Variants in HIRA observed in about 807,000 individuals in gnomAD.
HIRA encodes the protein protein HIRA.
In HIRA, 13 loss-of-function variants were observed where a neutral mutation model predicts 126.6. The observed-to-expected ratio is 0.10, with a 90% CI of 0.07 to 0.16. The LOEUF (loss-of-function observed/expected upper bound fraction) is 0.16, where lower values mean the gene tolerates loss of function less well. Among genes scored for constraint, HIRA ranks in the 10% least tolerant of loss-of-function variants. The probability of loss-of-function intolerance (pLI) is 1.00; values close to 1 mark genes in which losing one functional copy is unlikely to be tolerated. For synonymous variants in HIRA, 511 were observed against 520.0 expected (o/e 0.98, Z 0.24); for missense variants, 834 against 1,314.4 (o/e 0.63, Z 5.65).
chr22:19,383,773 A>G, intron 12 of HIRA, 68 bp from the exon 13 acceptor site: 1 of 1,261,402 alleles, frequency 7.9e-7, no homozygotes, highest in South Asian at 1.2e-5. Flanking sequence ...ATTAAAAAAT[A>G]AAGTCTCTTT....
At position 19,411,963 on chromosome 22, in the gene HIRA, G is replaced by A. The variant is rs532695498; in HGVS notation, c.38-1185C>T. Among the ~76,000 whole-genome samples the A allele has an allele frequency of 7.2e-5, 11 of 152,324 alleles. No individual in the cohort carries two copies. In the East Asian group the frequency reaches 1.7e-3, roughly 24 times the overall value. On this transcript the variant is annotated intron_variant, in intron 1 of 24. Transcript: ENST00000263208. ...AGGCAGCACCCAGCTGTGGAGAGCC[G>A]CAGCCATGTAGTCAAATCAAGCATG...
chr22:19,428,530 T>C (rs5748203), intron 1 of HIRA, among the ~76,000 whole-genome samples: 23,202 of 152,170 alleles, frequency 0.15, 3,876 homozygotes, highest in African/African-American at 0.42. Flanking sequence ...TACACCCACA[T>C]TTCAATAAAT....
chr22:19,413,643 G>A lies in HIRA; in HGVS notation c.38-2865C>T, dbSNP rs185544004. ...TTTATTTATTTATAGACAGAGTTTC[G>A]CTCTGTCGCCCAGGCTAGAGTGCAG... On this transcript the variant is annotated intron_variant, in intron 1 of 24. Transcript: ENST00000263208. 9.3e-3 allele frequency among the ~76,000 whole-genome samples: 1,338 copies of A among 144,590 alleles called. 19 individuals carry two copies. Among genetic ancestry groups the A allele is most frequent in the Non-Finnish European group, 0.012 (748 of 64,982 alleles). The allele number at this position is 144,590 out of a possible 152,430, so 94.9% of individuals were successfully genotyped here.
At chr22:19,373,602 T>C (rs2088988053) in intron 15 of HIRA, among the ~76,000 whole-genome samples, 1 of 152,206 alleles carries the variant, frequency 6.6e-6, no homozygotes, top group Non-Finnish European at 1.5e-5. Context: ...GCGATTTCTA[T>C]ACAACACAAG....
chr22:19,410,584 CTG>C (rs1469130337), intron 2 of HIRA, 130 bp downstream of exon 2: 5 of 703,294 alleles, frequency 7.1e-6, no homozygotes, highest in Non-Finnish European at 1.0e-5. Flanking sequence ...CACATTATAA[CTG>C]TACATTTTAA....
chr22:19,377,848 C>T, intron 14 of HIRA, 21 bp downstream of exon 14: 1 of 1,569,884 alleles, frequency 6.4e-7, no homozygotes, highest in South Asian at 1.2e-5. Flanking sequence ...GGGACAGGAA[C>T]AAGCCTTGGC....
chr22:19,410,160 T>C (rs1200316494), intron 2 of HIRA, among the ~76,000 whole-genome samples: 4 of 152,200 alleles, frequency 2.6e-5, no homozygotes, highest in African/African-American at 7.2e-5. Context: ...TCTTTCCAAA[T>C]AGAACCATGC....
intron 21 of HIRA, among the ~76,000 whole-genome samples, chr22:19,355,167 G>C (rs531945546): frequency 6.6e-6 from 1 of 152,068 alleles, no homozygotes; most frequent in African/African-American, 2.4e-5. Context: ...AGCAAGCTTT[G>C]GTTCTTAAGG....
chr22:19,394,037 C>T (rs1429066906), intron 8 of HIRA, among the ~76,000 whole-genome samples: 2 of 152,134 alleles, frequency 1.3e-5, no homozygotes, highest in Admixed American at 6.5e-5. Context: ...GGGACAAGCA[C>T]AGTGCTTGGT....
intron 12 of HIRA, among the ~76,000 whole-genome samples, chr22:19,384,761 TCTC>T (rs1398521656): frequency 6.6e-6 from 1 of 151,372 alleles, no homozygotes; most frequent in Non-Finnish European, 1.5e-5. Context: ...TTTAAGCAAT[TCTC>T]CTGCTCAGCC....
intron 5 of HIRA, among the ~76,000 whole-genome samples, chr22:19,401,038 C>T (rs375246812): frequency 6.6e-6 from 1 of 152,116 alleles, no homozygotes; most frequent in East Asian, 1.9e-4. Flanking sequence ...CAGCTGAGAG[C>T]CCACCACCAC....
intron 15 of HIRA, among the ~76,000 whole-genome samples, chr22:19,363,939 T>C (rs2088889157): frequency 6.6e-6 from 1 of 152,172 alleles, no homozygotes; most frequent in Admixed American, 6.5e-5. Flanking sequence ...AGATATATAA[T>C]GATGAATATA....
At chr22:19,332,525 A>T (rs2146500948) in intron 24 of HIRA, among the ~76,000 whole-genome samples, 1 of 152,310 alleles carries the variant, frequency 6.6e-6, no homozygotes, top group East Asian at 1.9e-4. Flanking sequence ...CAACTCCTAA[A>T]ATAGATCATG....
chr22:19,383,148 G>T (rs2089091973), intron 13 of HIRA, among the ~76,000 whole-genome samples: 1 of 151,316 alleles, frequency 6.6e-6, no homozygotes, highest in African/African-American at 2.4e-5. Context: ...AACGAGTGGG[G>T]AAAAAAAAGA....
intron 15 of HIRA, among the ~76,000 whole-genome samples, chr22:19,374,295 C>G (rs1273744698): frequency 6.6e-6 from 1 of 151,906 alleles, no homozygotes; most frequent in Non-Finnish European, 1.5e-5. Flanking sequence ...GTGGCTAGGA[C>G]AATAGACATA....
In HIRA at chr22:19,377,058, G is replaced by A. The variant is rs796338472; in HGVS notation, c.1613+811C>T. 1.1e-4 allele frequency among the ~76,000 whole-genome samples: 16 copies of A among 152,332 alleles called. 1 individual carries two copies. The highest frequency in any genetic ancestry group is 3.8e-4 in the African/African-American group (16 of 41,576). On this transcript the variant is annotated intron_variant, in intron 14 of 24. Coordinates refer to ENST00000263208, the MANE Select transcript of HIRA (RefSeq NM_003325.4). ...TTGGCCTTCCTCAGGGGACTGGGGG[G>A]CTGCTGCCCCTAATCCCCAGGCCTC...
chr22:19,392,863 A>T (rs753283577), intron 8 of HIRA, among the ~76,000 whole-genome samples: 14 of 152,100 alleles, frequency 9.2e-5, no homozygotes, highest in Non-Finnish European at 1.8e-4. Context: ...CAAAGGATGA[A>T]AGCACTCACT....
rs772325189 is a variant in HIRA at position 19,394,405 on chromosome 22, G to A, written c.759C>T (p.Ile253=). The A allele has an allele frequency of 6.2e-6, 10 of 1,613,992 alleles. No homozygotes were observed. The highest frequency in any genetic ancestry group is 1.3e-5 in the African/African-American group (1 of 74,890). Residue 253 remains isoleucine, a synonymous_variant, in exon 8 of 25, where the codon ATC becomes ATT. Transcript: ENST00000263208. ...TGTTGGTCTTCCATCCCTCCCGTTC[G>A]ATGATCTGGGCAGTGGGGCCTGAGT... ...MNNSGPTAQI[I]EREGWKTNMD...
intron 13 of HIRA, among the ~76,000 whole-genome samples, chr22:19,382,402 G>A (rs530482932): frequency 6.6e-6 from 1 of 152,262 alleles, no homozygotes; most frequent in African/African-American, 2.4e-5. Flanking sequence ...TCAATAAAAG[G>A]TAGGTAGGGG....
Sources: allele counts gnomAD v4.1 joint callset (sites outside exome capture counted in the v4.1 genomes callset), GRCh38; gene constraint gnomAD v4.1.1; transcripts MANE v1.5; gene names NCBI Gene and HGNC (gene_info 2026-07-23, HGNC 2026-07-21).